Variants in SUPT3H observed in about 807,000 individuals in gnomAD.
The protein encoded by SUPT3H is transcription initiation protein SPT3 homolog.
Under a neutral mutation model 44.3 loss-of-function variants are expected in SUPT3H, and 44 were observed. That is an observed-to-expected ratio of 0.99 (90% CI 0.78 to 1.28). The LOEUF is 1.28. SUPT3H is among the 50% of genes most tolerant of loss of function. The probability of loss-of-function intolerance (pLI) is 0.00; values close to 1 mark genes in which losing one functional copy is unlikely to be tolerated. For synonymous variants in SUPT3H, 124 were observed against 125.6 expected, an observed-to-expected ratio of 0.99 and a Z score of 0.09; for missense variants, 380 against 387.1, an observed-to-expected ratio of 0.98 and a Z score of 0.15.
chr6:45,136,370 A>G (rs1353186385), intron 2 of SUPT3H, among the ~76,000 whole-genome samples: 1 of 152,164 alleles, frequency 6.6e-6, no homozygotes, highest in Non-Finnish European at 1.5e-5. Flanking sequence ...AAAAAGTAAA[A>G]AACTGTAATT....
At chr6:44,924,224 C>A (rs1365966081) in intron 10 of SUPT3H, among the ~76,000 whole-genome samples, 3 of 152,050 alleles carry the variant, frequency 2.0e-5, no homozygotes, top group African/African-American at 7.2e-5. Flanking sequence ...TTCTTTTGCA[C>A]CAAGACTTTT....
chr6:44,880,304 G>A (rs960190707), intron 10 of SUPT3H, among the ~76,000 whole-genome samples: 2 of 151,918 alleles, frequency 1.3e-5, no homozygotes, highest in Non-Finnish European at 2.9e-5. Flanking sequence ...TAGCCGAATC[G>A]ATCAAGCGGA....
chr6:45,198,656 T>C (rs916824097), intron 2 of SUPT3H, among the ~76,000 whole-genome samples: 2 of 151,322 alleles, frequency 1.3e-5, no homozygotes, highest in Non-Finnish European at 3.0e-5. Context: ...TATAAGTTAA[T>C]TTTTAAGAAA....
At chr6:45,202,196 C>T (rs1762542917) in intron 2 of SUPT3H, among the ~76,000 whole-genome samples, 1 of 151,596 alleles carries the variant, frequency 6.6e-6, no homozygotes, top group South Asian at 2.1e-4. Context: ...TTTGACATAC[C>T]CAATAATTGG....
At chr6:45,294,410 G>A (rs1311398397) in intron 2 of SUPT3H, among the ~76,000 whole-genome samples, 1 of 152,114 alleles carries the variant, frequency 6.6e-6, no homozygotes, top group African/African-American at 2.4e-5. Context: ...TTCCCTCTGA[G>A]AACAGGAACA....
intron 2 of SUPT3H, among the ~76,000 whole-genome samples, chr6:45,120,776 G>A (rs1314301440): frequency 6.6e-6 from 1 of 152,110 alleles, no homozygotes; most frequent in South Asian, 2.1e-4. Context: ...AGAATTAAGG[G>A]TAAATATTAA....
chr6:45,043,216 T>A (rs1219669906), intron 3 of SUPT3H, among the ~76,000 whole-genome samples: 2 of 150,376 alleles, frequency 1.3e-5, no homozygotes, highest in South Asian at 2.1e-4. Flanking sequence ...AAAAAGAGTA[T>A]AAAATCTTTA....
chr6:45,214,522 G>C (rs1195297608), intron 2 of SUPT3H, among the ~76,000 whole-genome samples: 1 of 152,108 alleles, frequency 6.6e-6, no homozygotes, highest in Non-Finnish European at 1.5e-5. Flanking sequence ...AATATTTAAA[G>C]ATGGATCATA....
intron 10 of SUPT3H, among the ~76,000 whole-genome samples, chr6:44,897,171 A>T (rs1368990460): frequency 6.6e-6 from 1 of 152,216 alleles, no homozygotes; most frequent in Non-Finnish European, 1.5e-5. Flanking sequence ...TTTGGGCTAG[A>T]CATTGAGAAT....
At chr6:44,850,336 A>G (rs992901498) in intron 10 of SUPT3H, among the ~76,000 whole-genome samples, 2 of 152,012 alleles carry the variant, frequency 1.3e-5, no homozygotes, top group African/African-American at 4.8e-5. Flanking sequence ...GCTTCCTTTC[A>G]GTTTCTTTAG....
intron 3 of SUPT3H, among the ~76,000 whole-genome samples, chr6:45,049,721 CA>C (rs900951400): frequency 2.0e-5 from 3 of 151,938 alleles, no homozygotes; most frequent in Non-Finnish European, 4.4e-5. Flanking sequence ...AACAAACAAG[CA>C]AAAAACCCCT....
chr6:45,257,839 G>A (rs1263508286), intron 2 of SUPT3H, among the ~76,000 whole-genome samples: 1 of 152,154 alleles, frequency 6.6e-6, no homozygotes, highest in African/African-American at 2.4e-5. Flanking sequence ...GGAGGCGATT[G>A]TGGCTGCAGC....
Position 45,365,320 on chromosome 6 carries a change from T to C in SUPT3H, c.1-19A>G, listed in dbSNP as rs1177154343. ...TATTCATCTAAATAAAAAGGAGAAA[T>C]AAAGCTTACAAAATGTACCTAGCTA... On this transcript the variant is annotated intron_variant, in intron 1 of 10. Transcript: ENST00000371459. The C allele has an allele frequency of 1.3e-6, 2 of 1,555,712 alleles. No homozygotes were observed. The highest frequency in any genetic ancestry group is 3.4e-5 in the Admixed American group (2 of 58,054).
intron 10 of SUPT3H, among the ~76,000 whole-genome samples, chr6:44,855,711 C>T (rs902537729): frequency 2.3e-4 from 35 of 151,892 alleles, no homozygotes; most frequent in African/African-American, 7.7e-4. Flanking sequence ...TTTTCTGTTT[C>T]GGTTCTAGGA....
At chr6:45,367,964 T>G (rs16873373) in intron 1 of SUPT3H, among the ~76,000 whole-genome samples, 19,952 of 152,186 alleles carry the variant, frequency 0.13, 1,537 homozygotes, top group East Asian at 0.26. Context: ...ATTAACTTCT[T>G]TTGACATTAA....
chr6:45,035,222 T>C (rs1348807228), intron 3 of SUPT3H, among the ~76,000 whole-genome samples: 1 of 152,150 alleles, frequency 6.6e-6, no homozygotes, highest in Non-Finnish European at 1.5e-5. Flanking sequence ...AAGTTTTCAG[T>C]TGATGGATTA....
intron 10 of SUPT3H, among the ~76,000 whole-genome samples, chr6:44,835,384 A>C (rs1373078925): frequency 1.3e-5 from 2 of 152,152 alleles, no homozygotes; most frequent in Non-Finnish European, 2.9e-5. Flanking sequence ...TCTGTGGGCC[A>C]CAGGAGCTGC....
At chr6:45,043,205 C>T (rs1649903761) in intron 3 of SUPT3H, among the ~76,000 whole-genome samples, 1 of 150,524 alleles carries the variant, frequency 6.6e-6, no homozygotes, top group South Asian at 2.1e-4. Flanking sequence ...AGGCAAATTA[C>T]AAAAAGAGTA....
At chr6:45,227,271 A>G (rs996161710) in intron 2 of SUPT3H, among the ~76,000 whole-genome samples, 6 of 151,832 alleles carry the variant, frequency 4.0e-5, no homozygotes, top group African/African-American at 1.4e-4. Context: ...AATAATTATG[A>G]AAAATTATTT....
Sources: allele counts gnomAD v4.1 joint callset (sites outside exome capture counted in the v4.1 genomes callset), GRCh38; gene constraint gnomAD v4.1.1; transcripts MANE v1.5; gene names NCBI Gene and HGNC (gene_info 2026-07-23, HGNC 2026-07-21).